DLG2: variants seen among roughly 807,000 people sequenced by gnomAD.
DLG2 encodes the protein discs large MAGUK scaffold protein 2.
A neutral mutation model predicts 132.5 loss-of-function variants in DLG2; 45 were observed. The observed-to-expected ratio is 0.34, with a 90% confidence interval of 0.27 to 0.44. The LOEUF is 0.44. Ranked by LOEUF, DLG2 falls within the 20% of genes least tolerant of loss-of-function variation. The pLI is 1.00. For synonymous variants in DLG2, 424 were observed against 419.6 expected (o/e 1.01, Z -0.13); for missense variants, 1,045 against 1,196.9 (o/e 0.87, Z 1.87).
At chr11:85,597,270 A>G (rs1315521729) in intron 3 of DLG2, among the ~76,000 whole-genome samples, 1 of 152,160 alleles carries the variant, frequency 6.6e-6, no homozygotes, top group Non-Finnish European at 1.5e-5. Context: ...CAAATTCTCA[A>G]AAGACTTAGC....
intron 7 of DLG2, among the ~76,000 whole-genome samples, chr11:84,510,177 A>G (rs1252357776): frequency 6.6e-6 from 1 of 151,442 alleles, no homozygotes; most frequent in East Asian, 1.9e-4. Context: ...TAAAGTTGCC[A>G]TTCTGGAAGT....
chr11:84,355,768 G>T (rs1051715555), intron 7 of DLG2, among the ~76,000 whole-genome samples: 10 of 152,026 alleles, frequency 6.6e-5, no homozygotes, highest in African/African-American at 2.2e-4. Context: ...AAGTAAATGA[G>T]ACATTGTATA....
chr11:83,749,332 A>C (rs1180126156), intron 18 of DLG2, among the ~76,000 whole-genome samples: 1 of 152,172 alleles, frequency 6.6e-6, no homozygotes, highest in Non-Finnish European at 1.5e-5. Context: ...GCTCAAGCTA[A>C]AGTGATAATT....
chr11:84,843,789 C>G (rs1483577377), intron 6 of DLG2, among the ~76,000 whole-genome samples: 1 of 151,674 alleles, frequency 6.6e-6, no homozygotes, highest in African/African-American at 2.4e-5. Context: ...ACACAACCAT[C>G]CTTTTTCCCC....
intron 3 of DLG2, among the ~76,000 whole-genome samples, chr11:85,500,142 G>A (rs1241836391): frequency 6.6e-6 from 1 of 152,180 alleles, no homozygotes; most frequent in Non-Finnish European, 1.5e-5. Flanking sequence ...AATAGGAAGA[G>A]AGGAAGTCAA....
chr11:84,861,834 A>T (rs1009877383), intron 6 of DLG2, among the ~76,000 whole-genome samples: 1 of 151,968 alleles, frequency 6.6e-6, no homozygotes, highest in Non-Finnish European at 1.5e-5. Flanking sequence ...GACATTTATG[A>T]GAACAACAAA....
intron 9 of DLG2, among the ~76,000 whole-genome samples, chr11:84,150,776 T>C (rs183961282): frequency 7.2e-5 from 11 of 152,320 alleles, no homozygotes; most frequent in Admixed American, 5.9e-4. Context: ...TTTTGAGGTA[T>C]GTTTCTTTGA....
At chr11:85,408,643 G>A (rs370649216) in intron 3 of DLG2, among the ~76,000 whole-genome samples, 4 of 148,950 alleles carry the variant, frequency 2.7e-5, no homozygotes, top group Non-Finnish European at 4.4e-5. Flanking sequence ...GAGAACATGC[G>A]GTGTTTGGTT....
chr11:85,581,350 T>C (rs1369586179), intron 3 of DLG2, among the ~76,000 whole-genome samples: 1 of 152,056 alleles, frequency 6.6e-6, no homozygotes, highest in African/African-American at 2.4e-5. Flanking sequence ...CAGTGGCTCA[T>C]GCCTGTAATC....
intron 4 of DLG2, among the ~76,000 whole-genome samples, chr11:85,176,218 A>G (rs1004425301): frequency 3.9e-5 from 6 of 152,190 alleles, no homozygotes; most frequent in African/African-American, 1.4e-4. Flanking sequence ...AAACTATACT[A>G]CAGGGCTACA....
At chr11:85,511,415 C>G (rs935041971) in intron 3 of DLG2, among the ~76,000 whole-genome samples, 3 of 151,658 alleles carry the variant, frequency 2.0e-5, no homozygotes, top group African/African-American at 7.3e-5. Flanking sequence ...ATCCTAAGAA[C>G]AGTAAGAAGA....
intron 3 of DLG2, among the ~76,000 whole-genome samples, chr11:85,513,088 G>C (rs1188849486): frequency 6.6e-6 from 1 of 151,968 alleles, no homozygotes; most frequent in South Asian, 2.1e-4. Context: ...AATTAACACA[G>C]AAAGAGAAAA....
At chr11:84,838,546 G>C (rs764231562) in intron 6 of DLG2, among the ~76,000 whole-genome samples, 5 of 151,872 alleles carry the variant, frequency 3.3e-5, no homozygotes, top group Admixed American at 6.6e-5. Flanking sequence ...GGCAATATGC[G>C]TGAAGTTAAA....
intron 26 of DLG2, 63 bp from the exon 27 acceptor site, chr11:83,462,156 A>C: frequency 9.3e-7 from 1 of 1,075,836 alleles, no homozygotes; most frequent in Non-Finnish European, 1.4e-6. Context: ...AAAAATTAAA[A>C]TGTATGGCAA....
intron 6 of DLG2, among the ~76,000 whole-genome samples, chr11:84,744,364 T>C (rs898444553): frequency 1.8e-4 from 27 of 152,208 alleles, no homozygotes; most frequent in Non-Finnish European, 2.9e-4. Context: ...AATATAGGCC[T>C]TGTGACATCA....
chr11:85,052,870 T>A (rs925684328), intron 6 of DLG2, among the ~76,000 whole-genome samples: 2 of 152,206 alleles, frequency 1.3e-5, no homozygotes, highest in Admixed American at 6.5e-5. Flanking sequence ...CCCTCCTCAT[T>A]GTATAGTTCT....
At chr11:84,686,630 G>GTTTT (rs60618412) in intron 6 of DLG2, among the ~76,000 whole-genome samples, 49 of 113,788 alleles carry the variant, frequency 4.3e-4, no homozygotes, top group Non-Finnish European at 4.8e-4. Context: ...TGGCCTTGAG[G>GTTTT]TTTTTTTTTT....
chr11:85,154,379 A>G (rs563582577), intron 5 of DLG2, among the ~76,000 whole-genome samples, 177 bp downstream of exon 5: 2 of 152,340 alleles, frequency 1.3e-5, no homozygotes, highest in African/African-American at 4.8e-5. Flanking sequence ...ACTCAACGTG[A>G]TACACATTCA....
chr11:85,134,528 CAA>C (rs58266385), intron 5 of DLG2, among the ~76,000 whole-genome samples: 49 of 34,952 alleles, frequency 1.4e-3, no homozygotes, highest in East Asian at 4.4e-3. Flanking sequence ...GACTCCGTCT[CAA>C]AAAAAAAAAA....
Sources: gnomAD v4.1 joint callset for allele counts (sites outside exome capture counted in the v4.1 genomes callset) on GRCh38, gnomAD v4.1.1 for gene constraint, MANE v1.5 for transcripts, NCBI Gene and HGNC (gene_info 2026-07-23, HGNC 2026-07-21) for gene names.